The following ACOXL variants were observed in gnomAD, a reference collection of about 807,000 sequenced individuals.
The protein encoded by ACOXL is acyl-CoA oxidase like.
Under a neutral mutation model 71.9 loss-of-function variants are expected in ACOXL, and 70 were observed. The observed-to-expected ratio is 0.97, with a 90% CI of 0.80 to 1.19. ACOXL has a LOEUF of 1.19. ACOXL is among the 50% of genes most tolerant of loss of function. ACOXL has a pLI of 0.00. For missense variants in ACOXL, 703 were observed against 736.3 expected, an observed-to-expected ratio of 0.95 and a Z score of 0.52; for synonymous variants, 253 against 281.6, an observed-to-expected ratio of 0.90 and a Z score of 1.02.
chr2:111,063,187 A>G (rs910322014), intron 16 of ACOXL, among the ~76,000 whole-genome samples: 1 of 152,184 alleles, frequency 6.6e-6, no homozygotes, highest in Non-Finnish European at 1.5e-5. Flanking sequence ...AGATACTTTC[A>G]GTGGTTAATT....
intron 16 of ACOXL, among the ~76,000 whole-genome samples, chr2:111,091,953 A>C (rs1184364309): frequency 6.6e-6 from 1 of 152,232 alleles, no homozygotes; most frequent in Non-Finnish European, 1.5e-5. Flanking sequence ...CATAGAAGGC[A>C]AATTGTCTTC....
intron 16 of ACOXL, among the ~76,000 whole-genome samples, chr2:111,073,754 T>C (rs1169499713): frequency 1.3e-5 from 2 of 152,202 alleles, no homozygotes; most frequent in East Asian, 3.8e-4. Flanking sequence ...TCTTTTCTTT[T>C]ACATGCAAAT....
At chr2:110,826,874 A>G (rs904645227) in intron 9 of ACOXL, among the ~76,000 whole-genome samples, 1 of 151,768 alleles carries the variant, frequency 6.6e-6, no homozygotes, top group East Asian at 1.9e-4. Flanking sequence ...CTGTACACCA[A>G]AAGATCCTAG....
intron 12 of ACOXL, among the ~76,000 whole-genome samples, chr2:110,956,398 C>T (rs1408840678): frequency 1.3e-5 from 2 of 152,248 alleles, no homozygotes; most frequent in African/African-American, 4.8e-5. Flanking sequence ...CGAATAAGTC[C>T]TGAGAGTGCA....
intron 10 of ACOXL, among the ~76,000 whole-genome samples, chr2:110,897,311 C>G (rs1037826752): frequency 6.6e-6 from 1 of 152,186 alleles, no homozygotes; most frequent in Admixed American, 6.5e-5. Flanking sequence ...AATATCTAAG[C>G]TCTCACTTAA....
intron 16 of ACOXL, among the ~76,000 whole-genome samples, chr2:111,078,844 T>C (rs938993963): frequency 2.6e-5 from 4 of 152,204 alleles, no homozygotes; most frequent in Admixed American, 2.0e-4. Context: ...ATGGAGAATG[T>C]TGATGTTTTT....
At chr2:110,752,486 T>C (rs1244004694) in intron 1 of ACOXL, among the ~76,000 whole-genome samples, 2 of 151,040 alleles carry the variant, frequency 1.3e-5, no homozygotes, top group African/African-American at 4.9e-5. Flanking sequence ...AAAAATAATT[T>C]ATGAAGTTAT....
chr2:110,743,936 A>C (rs1317048107), intron 1 of ACOXL, among the ~76,000 whole-genome samples: 1 of 152,230 alleles, frequency 6.6e-6, no homozygotes, highest in African/African-American at 2.4e-5. Flanking sequence ...CTCTTGAAGT[A>C]AAATGCTCAG....
chr2:110,955,188 C>G (rs934471239), intron 12 of ACOXL, among the ~76,000 whole-genome samples: 1 of 152,102 alleles, frequency 6.6e-6, no homozygotes, highest in Non-Finnish European at 1.5e-5. Context: ...ATATTGTTTT[C>G]CATGTTCTTT....
chr2:110,805,228 G>A (rs1686486739), intron 8 of ACOXL, 35 bp from the exon 9 acceptor site: 2 of 1,612,720 alleles, frequency 1.2e-6, no homozygotes, highest in Admixed American at 3.3e-5. Flanking sequence ...GCTATGTCCT[G>A]CTTTTTTGTG....
chr2:111,003,052 A>G (rs2063708550), intron 14 of ACOXL, among the ~76,000 whole-genome samples: 1 of 152,244 alleles, frequency 6.6e-6, no homozygotes, highest in East Asian at 1.9e-4. Context: ...GCATGAAATT[A>G]GAAGCTCTCT....
intron 14 of ACOXL, among the ~76,000 whole-genome samples, chr2:110,999,946 C>T (rs1248698946): frequency 2.0e-5 from 3 of 152,180 alleles, no homozygotes; most frequent in Non-Finnish European, 2.9e-5. Context: ...GCATAATGAA[C>T]ACTTGGTGTA....
At chr2:111,043,764 C>G (rs957682001) in intron 15 of ACOXL, among the ~76,000 whole-genome samples, 2 of 152,206 alleles carry the variant, frequency 1.3e-5, no homozygotes, top group Non-Finnish European at 2.9e-5. Context: ...GCTCAGCCAT[C>G]AAACTCCTCC....
At chr2:110,995,499 CAAAAAAAA>C (rs567318996) in intron 13 of ACOXL, among the ~76,000 whole-genome samples, 1 of 67,290 alleles carries the variant, frequency 1.5e-5, no homozygotes, top group Non-Finnish European at 2.5e-5. Context: ...GACTCTGTCT[CAAAAAAAA>C]AAAAAAAAAA....
chr2:111,060,768 G>T (rs542226481), intron 16 of ACOXL, among the ~76,000 whole-genome samples: 1 of 152,244 alleles, frequency 6.6e-6, no homozygotes, highest in South Asian at 2.1e-4. Flanking sequence ...GAACATACTT[G>T]AAACAAGTGA....
intron 15 of ACOXL, among the ~76,000 whole-genome samples, chr2:111,046,119 A>G (rs1052406021): frequency 6.6e-6 from 1 of 152,256 alleles, no homozygotes; most frequent in Non-Finnish European, 1.5e-5. Flanking sequence ...AACAGGGAAC[A>G]GGGGAGACTT....
chr2:111,019,894 G>T (rs569052748), intron 14 of ACOXL, among the ~76,000 whole-genome samples: 3 of 151,724 alleles, frequency 2.0e-5, no homozygotes, highest in Non-Finnish European at 4.4e-5. Context: ...GGAGTCTCCC[G>T]CTATCACCCA....
At chr2:110,874,772 T>C (rs1050645282) in intron 10 of ACOXL, among the ~76,000 whole-genome samples, 1 of 152,030 alleles carries the variant, frequency 6.6e-6, no homozygotes, top group African/African-American at 2.4e-5. Flanking sequence ...AATGATTGGG[T>C]TTATTATTCG....
chr2:110,863,772 G>A (rs1221236281), intron 10 of ACOXL, among the ~76,000 whole-genome samples: 6 of 152,128 alleles, frequency 3.9e-5, no homozygotes, highest in African/African-American at 1.4e-4. Context: ...TTCTCTGTGG[G>A]GGGAGGGTGC....
Sources: allele counts gnomAD v4.1 joint callset (sites outside exome capture counted in the v4.1 genomes callset), GRCh38; gene constraint gnomAD v4.1.1; transcripts MANE v1.5; gene names NCBI Gene and HGNC (gene_info 2026-07-23, HGNC 2026-07-21).